Variants in PTPRN2 observed in about 807,000 individuals in gnomAD.
PTPRN2 encodes receptor-type tyrosine-protein phosphatase N2.
Under a neutral mutation model 118.8 loss-of-function variants are expected in PTPRN2, and 74 were observed. The ratio of observed to expected loss-of-function variants is 0.62; its 90% CI spans 0.52 to 0.76. The LOEUF is 0.76. Ranked by LOEUF, PTPRN2 falls within the 30% of genes least tolerant of loss-of-function variation. The pLI is 0.00. For synonymous variants in PTPRN2, 641 were observed against 608.0 expected, an observed-to-expected ratio of 1.05 and a Z score of -0.80; for missense variants, 1,481 against 1,394.4, an observed-to-expected ratio of 1.06 and a Z score of -0.99.
chr7:158,234,281 AC>A (rs370971029), intron 3 of PTPRN2, among the ~76,000 whole-genome samples: 25,691 of 149,588 alleles, frequency 0.17, 2,500 homozygotes, highest in Non-Finnish European at 0.24. Context: ...CAAAAAAAAA[AC>A]AAACCTCTAA....
At position 158,133,893 on chromosome 7, in the gene PTPRN2, A is replaced by G; in HGVS notation, c.1340T>C (p.Val447Ala). 6.2e-7 allele frequency: 1 copy of G among 1,613,848 alleles called. No homozygotes were observed. ...ATCTTTGGAATACGTCTGGCTCTTG[A>G]CGTTCTCCACTCCGGCAGTCTCCTC... ...SEEETAGVENVKSQTYSKDLL... is the reference protein window; with the variant it reads ...SEEETAGVENAKSQTYSKDLL... The change falls in exon 9 of 23, where the codon GTC becomes GCC. Residue 447 changes from valine to alanine, a missense_variant. By Grantham distance (64) the Val-to-Ala change is moderately conservative. This residue lies in a region of PTPRN2 where 1,115 missense variants were observed against 994.2 expected (regional missense o/e 1.12). Coordinates refer to ENST00000389418, the MANE Select transcript of PTPRN2 (RefSeq NM_002847.5).
chr7:158,261,981 G>A (rs1452571419), intron 3 of PTPRN2, among the ~76,000 whole-genome samples: 14 of 152,158 alleles, frequency 9.2e-5, no homozygotes, highest in African/African-American at 2.4e-5. Flanking sequence ...CTCCTCCCGC[G>A]GTGACTGTGA....
intron 12 of PTPRN2, among the ~76,000 whole-genome samples, chr7:157,757,588 G>C (rs949884568): frequency 2.0e-5 from 3 of 151,730 alleles, no homozygotes; most frequent in Non-Finnish European, 4.4e-5. Context: ...GGCAGTTAGC[G>C]GGCTATGAGG....
At chr7:158,431,793 TCACACCGGGCA>T (rs945294662) in intron 2 of PTPRN2, among the ~76,000 whole-genome samples, 7 of 150,364 alleles carry the variant, frequency 4.7e-5, no homozygotes, top group African/African-American at 1.5e-4. Context: ...ACACACTGGC[TCACACCGGGCA>T]CACACTGGGC....
rs571658239 is a variant in PTPRN2 at position 158,550,775 on chromosome 7, G to T, written c.112+36783C>A. Among the ~76,000 whole-genome samples the T allele has an allele frequency of 3.3e-5, 5 of 152,296 alleles. No homozygotes were observed. The South Asian group carries it at 1.0e-3, about 32-fold the overall frequency. On this transcript the variant is annotated intron_variant, in intron 1 of 22. Coordinates refer to ENST00000389418, the MANE Select transcript of PTPRN2 (RefSeq NM_002847.5). ...GCTGGGACCTGACTTCCTACTAAGT[G>T]TAATTACCTCGTCTTTAAGTGCCCT... is the stretch of plus-strand genomic sequence containing the variant.
At chr7:158,009,312 A>G (rs1339785269) in intron 11 of PTPRN2, among the ~76,000 whole-genome samples, 2 of 152,166 alleles carry the variant, frequency 1.3e-5, no homozygotes, top group African/African-American at 4.8e-5. Context: ...CGTGCTATTT[A>G]TTAACCGTCA....
intron 12 of PTPRN2, among the ~76,000 whole-genome samples, chr7:157,717,067 GCAGGAACAC>G (rs1798960450): frequency 2.1e-5 from 3 of 143,300 alleles, no homozygotes; most frequent in African/African-American, 7.8e-5. Flanking sequence ...CGTAGACTCT[GCAGGAACAC>G]TGCCTGGCCA....
At position 157,861,731 on chromosome 7, in the gene PTPRN2, C is replaced by T. The variant is rs1258730662; in HGVS notation, c.1788+36942G>A. ...GACCCTTCCTGACTCCCAGCCTCTG[C>T]GTTGCCAGCAGCCCTCGGCCCACAG... On this transcript the variant is annotated intron_variant, in intron 12 of 22. Coordinates refer to ENST00000389418, the MANE Select transcript of PTPRN2 (RefSeq NM_002847.5). This position sits in a 1 kb window ranked among gnomAD's most constrained non-coding sequence, Gnocchi z 5.8. 2.6e-5 allele frequency among the ~76,000 whole-genome samples: 4 copies of T among 152,362 alleles called. No homozygotes were observed. Among genetic ancestry groups the T allele is most frequent in the Middle Eastern group, 3.4e-3 (1 of 294 alleles).
chr7:158,543,606 A>C (rs1223505929), intron 1 of PTPRN2, among the ~76,000 whole-genome samples: 1 of 152,266 alleles, frequency 6.6e-6, no homozygotes, highest in African/African-American at 2.4e-5. Context: ...ACATACAGAT[A>C]AAAATGTGAT....
At chr7:157,736,343 T>C (rs1800295829) in intron 12 of PTPRN2, among the ~76,000 whole-genome samples, 1 of 152,198 alleles carries the variant, frequency 6.6e-6, no homozygotes, top group South Asian at 2.1e-4. Context: ...GATCCCCATG[T>C]GCCTATATTT....
At position 157,874,728 on chromosome 7, in the gene PTPRN2, G is replaced by C. The variant is rs764343899; in HGVS notation, c.1788+23945C>G. 3.3e-5 allele frequency among the ~76,000 whole-genome samples: 5 copies of C among 151,272 alleles called. No homozygotes were observed. Among genetic ancestry groups the C allele is most frequent in the Admixed American group, 1.3e-4 (2 of 15,120 alleles). On this transcript the variant is annotated intron_variant, in intron 12 of 22. Transcript: ENST00000389418. The surrounding 1 kb of genome is among the most constrained non-coding windows in gnomAD (Gnocchi z 5.8). ...ACACACACTCATGCACACACACACAGAGACACACTCATGCACATACACAGA... is the reference window on the plus strand; with the variant it reads ...ACACACACTCATGCACACACACACACAGACACACTCATGCACATACACAGA...
At chr7:158,343,327 G>A (rs533481394) in intron 2 of PTPRN2, among the ~76,000 whole-genome samples, 48 of 152,290 alleles carry the variant, frequency 3.2e-4, no homozygotes, top group African/African-American at 6.3e-4. Flanking sequence ...TCAAGGCAAC[G>A]CAAATCAAAA....
chr7:158,558,757 TAAAAAAAAAAAAA>T (rs769102456), intron 1 of PTPRN2, among the ~76,000 whole-genome samples: 1 of 59,772 alleles, frequency 1.7e-5, no homozygotes. Flanking sequence ...AGTGCTAGAC[TAAAAAAAAAAAAA>T]AAAAAAAAAA....
chr7:158,535,299 G>A (rs1049375324), intron 1 of PTPRN2, among the ~76,000 whole-genome samples: 2 of 152,154 alleles, frequency 1.3e-5, no homozygotes, highest in South Asian at 4.1e-4. Flanking sequence ...CACACCTAAT[G>A]TCAATGCTCA....
At position 157,903,037 on chromosome 7, in the gene PTPRN2, C is replaced by T. The variant is rs1221207500; in HGVS notation, c.1724-4300G>A. On this transcript the variant is annotated intron_variant, in intron 11 of 22. Transcript: ENST00000389418. The surrounding 1 kb of genome is among the most constrained non-coding windows in gnomAD (Gnocchi z 4.2). ...CTGCAAAGGACACAATTTGGGGCCA[C>T]CATCCTAAGCAAATTAACGCAAAAG... is the stretch of plus-strand genomic sequence containing the variant. Among the ~76,000 whole-genome samples the T allele has an allele frequency of 6.6e-6, 1 of 152,130 alleles. No homozygotes were observed. Among genetic ancestry groups the T allele is most frequent in the Non-Finnish European group, 1.5e-5 (1 of 68,028 alleles).
In PTPRN2 at chr7:157,604,818, T is replaced by C. The variant is rs571336492; in HGVS notation, c.2345-743A>G. On this transcript the variant is annotated intron_variant, in intron 15 of 22. Transcript: ENST00000389418. ...GTAGGCACTTGTGACGTGTGTGATA[T>C]GAGAGCTGTCTTGGCTTTGGTTCTG... 1.6e-4 allele frequency among the ~76,000 whole-genome samples: 24 copies of C among 152,326 alleles called. 1 individual carries two copies. The South Asian group carries it at 4.8e-3, about 30-fold the overall frequency.
chr7:157,891,047 C>T (rs181028311), intron 12 of PTPRN2, among the ~76,000 whole-genome samples: 1 of 152,210 alleles, frequency 6.6e-6, no homozygotes, highest in Non-Finnish European at 1.5e-5. Context: ...GGCAAAGGCC[C>T]CCCTCTGTCC....
At chr7:157,704,417 TTAAAGA>T (rs1457010905) in intron 12 of PTPRN2, among the ~76,000 whole-genome samples, 1 of 152,212 alleles carries the variant, frequency 6.6e-6, no homozygotes, top group East Asian at 1.9e-4. Context: ...GAAGGCATCC[TTAAAGA>T]TAATAGGATT....
rs1308685674 is a variant in PTPRN2 at position 157,619,364 on chromosome 7, A to G, written c.2344+1998T>C. Among the ~76,000 whole-genome samples the G allele has an allele frequency of 6.6e-6, 1 of 152,006 alleles. No homozygotes were observed. Among genetic ancestry groups the G allele is most frequent in the Non-Finnish European group, 1.5e-5 (1 of 67,984 alleles). ...ACGAACCATTCTCCACTCAGGACTCAGCAGGATACCCGCTCACCACCACCC... is the reference window on the plus strand; with the variant it reads ...ACGAACCATTCTCCACTCAGGACTCGGCAGGATACCCGCTCACCACCACCC... On this transcript the variant is annotated intron_variant, in intron 15 of 22. Transcript: ENST00000389418. The surrounding 1 kb of genome is among the most constrained non-coding windows in gnomAD (Gnocchi z 5.3).
Sources: gnomAD v4.1 joint callset for allele counts (sites outside exome capture counted in the v4.1 genomes callset) on GRCh38, gnomAD v4.1.1 for gene constraint, gnomAD v4.1.1 regional missense constraint, Gnocchi (gnomAD v3.1) non-coding constraint, MANE v1.5 for transcripts, NCBI Gene and HGNC (gene_info 2026-07-23, HGNC 2026-07-21) for gene names.